Variants in TBXAS1 observed in about 807,000 individuals in gnomAD.
TBXAS1 encodes the protein thromboxane-A synthase.
Under a neutral mutation model 60.7 loss-of-function variants are expected in TBXAS1, and 48 were observed. The ratio of observed to expected loss-of-function variants is 0.79; its 90% CI spans 0.63 to 1.01. The LOEUF (loss-of-function observed/expected upper bound fraction) is 1.01, where lower values mean the gene tolerates loss of function less well. TBXAS1 is among the 50% of genes least tolerant of loss of function. The pLI, the probability that TBXAS1 is intolerant of heterozygous loss-of-function variation, is 0.00. For synonymous variants in TBXAS1, 287 were observed against 269.7 expected (o/e 1.06, Z -0.63); for missense variants, 685 against 686.3 (o/e 1.00, Z 0.02).
At chr7:139,878,041 T>C (rs1802380107) in intron 3 of TBXAS1, among the ~76,000 whole-genome samples, 2 of 151,520 alleles carry the variant, frequency 1.3e-5, no homozygotes, top group African/African-American at 2.4e-5. Context: ...CTTTGGGTAT[T>C]TAAAAATAAT....
At chr7:139,939,969 C>T (rs1248978723) in intron 5 of TBXAS1, among the ~76,000 whole-genome samples, 3 of 152,216 alleles carry the variant, frequency 2.0e-5, no homozygotes, top group Non-Finnish European at 2.9e-5. Flanking sequence ...CTCCATAGAT[C>T]GTGTTCCCTG....
In TBXAS1 at chr7:140,015,806, C is replaced by A; in HGVS notation, c.1310C>A (p.Ala437Asp). 3 of 1,613,704 alleles carry A rather than the reference C, an allele frequency of 1.9e-6. No homozygotes were observed. Among genetic ancestry groups the A allele is most frequent in the Non-Finnish European group, 2.5e-6 (3 of 1,180,008 alleles). Residue 437 changes from alanine (A) to aspartate (D), a missense_variant, in exon 11 of 13, where the codon GCC becomes GAC. Coordinates refer to ENST00000448866, the MANE Select transcript of TBXAS1 (RefSeq NM_001061.7). ...GCTGTGCTAGAGATGGCCGTGGGTG[C>A]CCTGCACCATGACCCTGAGCACTGG... ...AGAVLEMAVG[A>D]LHHDPEHWPS...
At chr7:139,850,773 A>G (rs955169467) in intron 1 of TBXAS1, among the ~76,000 whole-genome samples, 2 of 152,206 alleles carry the variant, frequency 1.3e-5, no homozygotes, top group Non-Finnish European at 2.9e-5. Context: ...ATAGTCACAC[A>G]GGCGAGAACA....
chr7:139,779,363 G>A (rs1472893543), intron 1 of TBXAS1, among the ~76,000 whole-genome samples: 2 of 152,002 alleles, frequency 1.3e-5, no homozygotes, highest in Non-Finnish European at 2.9e-5. Flanking sequence ...GGTCTTCCTT[G>A]CCCCCATAAT....
chr7:139,989,791 C>A (rs1005081367), intron 9 of TBXAS1, among the ~76,000 whole-genome samples: 1 of 152,220 alleles, frequency 6.6e-6, no homozygotes, highest in Non-Finnish European at 1.5e-5. Flanking sequence ...TGGCTTCTAC[C>A]TTTGATTGTT....
chr7:139,905,043 CTTTCTTTCTT>C (rs1569511451), intron 3 of TBXAS1, among the ~76,000 whole-genome samples: 21 of 85,802 alleles, frequency 2.4e-4, no homozygotes, highest in African/African-American at 1.1e-3. Context: ...TTCTTTCTTT[CTTTCTTTCTT>C]TCTTTCTCTC....
chr7:139,784,966 G>A (rs1797140946), intron 3 of TBXAS1, among the ~76,000 whole-genome samples: 1 of 152,182 alleles, frequency 6.6e-6, no homozygotes, highest in Admixed American at 6.5e-5. Flanking sequence ...TCCTTGGGCT[G>A]CCTGCATCGA....
chr7:140,003,170 T>G (rs1012048000), intron 9 of TBXAS1, among the ~76,000 whole-genome samples: 2 of 151,252 alleles, frequency 1.3e-5, no homozygotes, highest in East Asian at 1.9e-4. Context: ...TGCAGCCACA[T>G]GGAGAACTGC....
chr7:139,965,121 G>C (rs1176053552), intron 9 of TBXAS1, among the ~76,000 whole-genome samples: 2 of 152,176 alleles, frequency 1.3e-5, no homozygotes, highest in Non-Finnish European at 2.9e-5. Flanking sequence ...GGGAGGCTGA[G>C]GCAGGAGAAT....
intron 1 of TBXAS1, among the ~76,000 whole-genome samples, chr7:139,863,334 C>T (rs1416137768): frequency 6.6e-6 from 1 of 152,094 alleles, no homozygotes; most frequent in Non-Finnish European, 1.5e-5. Flanking sequence ...TGAACACCAG[C>T]CAGATATTTA....
intron 4 of TBXAS1, among the ~76,000 whole-genome samples, chr7:139,809,638 G>A (rs1447229164): frequency 6.6e-6 from 1 of 152,158 alleles, no homozygotes; most frequent in Admixed American, 6.5e-5. Context: ...GAGAACTTGA[G>A]GGGGTCTGCT....
intron 9 of TBXAS1, among the ~76,000 whole-genome samples, chr7:139,995,345 A>G (rs7795996): frequency 0.42 from 64,588 of 152,018 alleles, 15,778 homozygotes; most frequent in African/African-American, 0.69. Context: ...AATCATCAAC[A>G]AGATGCACAC....
intron 4 of TBXAS1, among the ~76,000 whole-genome samples, chr7:139,822,303 T>C (rs1379270639): frequency 6.6e-6 from 1 of 152,166 alleles, no homozygotes; most frequent in African/African-American, 2.4e-5. Context: ...GTTGAATCTT[T>C]TTCCAGGCAT....
chr7:139,915,747 A>G (rs533712123), intron 4 of TBXAS1, among the ~76,000 whole-genome samples: 1 of 152,318 alleles, frequency 6.6e-6, no homozygotes, highest in Admixed American at 6.5e-5. Flanking sequence ...ACATTGAACA[A>G]ATGTGTGAAT....
intron 1 of TBXAS1, among the ~76,000 whole-genome samples, chr7:139,856,364 C>A (rs1364674831): frequency 6.6e-6 from 1 of 152,150 alleles, no homozygotes; most frequent in Non-Finnish European, 1.5e-5. Context: ...GCCTGTGATT[C>A]CACTGACTTG....
intron 4 of TBXAS1, among the ~76,000 whole-genome samples, chr7:139,922,114 T>TC (rs35644627): frequency 6.6e-6 from 1 of 150,642 alleles, no homozygotes; most frequent in Non-Finnish European, 1.5e-5. Flanking sequence ...TTTTTTTTTT[T>TC]CCCCGAGATG....
intron 4 of TBXAS1, among the ~76,000 whole-genome samples, chr7:139,804,062 A>G (rs1797784290): frequency 6.6e-6 from 1 of 152,182 alleles, no homozygotes; most frequent in Non-Finnish European, 1.5e-5. Flanking sequence ...AGATCCACTG[A>G]CAGCCTGCAC....
intron 3 of TBXAS1, among the ~76,000 whole-genome samples, chr7:139,887,898 G>A (rs184597653): frequency 8.1e-4 from 124 of 152,272 alleles, no homozygotes; most frequent in African/African-American, 2.8e-3. Context: ...ACATCTTATA[G>A]CAATGCTTTG....
At chr7:139,876,827 G>C (rs1411246347) in intron 3 of TBXAS1, among the ~76,000 whole-genome samples, 1 of 152,038 alleles carries the variant, frequency 6.6e-6, no homozygotes, top group Non-Finnish European at 1.5e-5. Flanking sequence ...TGTGTCTAAG[G>C]GTCAGCTGGA....
Sources: gnomAD v4.1 joint callset for allele counts (sites outside exome capture counted in the v4.1 genomes callset) on GRCh38, gnomAD v4.1.1 for gene constraint, MANE v1.5 for transcripts, NCBI Gene and HGNC (gene_info 2026-07-23, HGNC 2026-07-21) for gene names.